Variants in TBC1D1 observed in about 807,000 individuals in gnomAD.
TBC1D1 encodes TBC1 domain family member 1.
A neutral mutation model predicts 125.6 loss-of-function variants in TBC1D1; 89 were observed. That is an observed-to-expected ratio of 0.71 (90% CI 0.60 to 0.85). The LOEUF is 0.85. Among genes scored for constraint, TBC1D1 ranks in the 40% least tolerant of loss-of-function variants. TBC1D1 has a pLI of 0.00. For synonymous variants in TBC1D1, 565 were observed against 564.1 expected (o/e 1.00, Z -0.02); for missense variants, 1,377 against 1,469.2 (o/e 0.94, Z 1.03).
At chr4:38,102,524 G>A (rs1760551623) in intron 14 of TBC1D1, among the ~76,000 whole-genome samples, 1 of 152,006 alleles carries the variant, frequency 6.6e-6, no homozygotes, top group Non-Finnish European at 1.5e-5. Context: ...TGGAAGTAGG[G>A]GAAGAAGCAA....
chr4:37,993,638 G>A (rs1310002746), intron 2 of TBC1D1, among the ~76,000 whole-genome samples: 5 of 152,144 alleles, frequency 3.3e-5, no homozygotes, highest in African/African-American at 4.8e-5. Flanking sequence ...CTGGAATGCA[G>A]TGGCGCAATC....
intron 8 of TBC1D1, among the ~76,000 whole-genome samples, chr4:38,039,414 GC>G (rs1176463504): frequency 2.6e-5 from 4 of 151,998 alleles, no homozygotes; most frequent in Non-Finnish European, 5.9e-5. Context: ...ACCGCGCCTG[GC>G]CGGCATCATA....
intron 16 of TBC1D1, 114 bp from the exon 19 acceptor site, chr4:38,117,919 G>A (rs371480449): frequency 1.2e-5 from 11 of 955,044 alleles, no homozygotes; most frequent in East Asian, 7.4e-5. Flanking sequence ...AAGCCAAATC[G>A]AATGTTTAAA....
At chr4:38,137,001 GATGA>G in intron 19 of TBC1D1, 130 bp from the exon 22 acceptor site, 1 of 1,447,222 alleles carries the variant, frequency 6.9e-7, no homozygotes, top group Middle Eastern at 2.5e-4. Context: ...GGCCAGAACT[GATGA>G]TAAACTGTAG....
At chr4:38,013,009 G>T (rs1371576722) in intron 2 of TBC1D1, among the ~76,000 whole-genome samples, 1 of 151,922 alleles carries the variant, frequency 6.6e-6, no homozygotes, top group African/African-American at 2.4e-5. Context: ...TGGCCAGGCT[G>T]GTCTCAACCT....
chr4:38,110,338 T>C (rs780329018), intron 15 of TBC1D1: 45 of 982,886 alleles, frequency 4.6e-5, no homozygotes, highest in Non-Finnish European at 5.1e-5. Context: ...GAGTTTCTGA[T>C]GCCTGGGATG....
intron 14 of TBC1D1, among the ~76,000 whole-genome samples, chr4:38,098,618 C>T (rs532074753): frequency 6.6e-6 from 1 of 152,286 alleles, no homozygotes; most frequent in African/African-American, 2.4e-5. Flanking sequence ...GAAGCTCTAA[C>T]CATAAAGGGG....
chr4:37,916,170 A>G (rs1719687276), intron 2 of TBC1D1, among the ~76,000 whole-genome samples: 2 of 152,170 alleles, frequency 1.3e-5, no homozygotes, highest in South Asian at 4.1e-4. Flanking sequence ...CCTGACTCCC[A>G]TCTCCTAGAG....
intron 2 of TBC1D1, among the ~76,000 whole-genome samples, chr4:37,973,678 A>T (rs1310076810): frequency 6.6e-6 from 1 of 152,134 alleles, no homozygotes; most frequent in African/African-American, 2.4e-5. Flanking sequence ...CATCAAAACT[A>T]TGTTGTTGCC....
intron 17 of TBC1D1, among the ~76,000 whole-genome samples, chr4:38,122,707 A>C (rs1764051188): frequency 6.6e-6 from 1 of 152,202 alleles, no homozygotes; most frequent in African/African-American, 2.4e-5. Flanking sequence ...TGTGTATTAG[A>C]TGCTCAATAG....
intron 12 of TBC1D1, among the ~76,000 whole-genome samples, chr4:38,070,042 G>T (rs1754437772): frequency 6.6e-6 from 1 of 152,118 alleles, no homozygotes. Flanking sequence ...TGGAGGGGGA[G>T]GGCATAGCCT....
intron 12 of TBC1D1, among the ~76,000 whole-genome samples, chr4:38,081,359 G>T (rs1229848239): frequency 6.6e-6 from 1 of 152,076 alleles, no homozygotes; most frequent in Non-Finnish European, 1.5e-5. Flanking sequence ...AGGAGAGTCA[G>T]CCAGACAAAG....
chr4:38,115,774 C>T lies in TBC1D1; in HGVS notation c.2622C>T (p.Tyr874=). The T allele has an allele frequency of 6.2e-7, 1 of 1,614,164 alleles. No homozygotes were observed. Among genetic ancestry groups the T allele is most frequent in the Non-Finnish European group, 8.5e-7 (1 of 1,180,024 alleles). The stretch of plus-strand genomic sequence containing the variant: ...TTGGAGCAGGACAGCTATCGCTTTA[C>T]AACATTTTGAAGGCCTACTCACTTC... Residue 874 remains tyrosine, a synonymous_variant, in exon 16 of 20, where the codon TAC becomes TAT. Transcript: ENST00000261439.
intron 2 of TBC1D1, among the ~76,000 whole-genome samples, chr4:37,988,633 A>G (rs921563381): frequency 6.6e-6 from 1 of 152,186 alleles, no homozygotes; most frequent in African/African-American, 2.4e-5. Context: ...CTTTTTAAGG[A>G]TGAAGAAACA....
intron 12 of TBC1D1, among the ~76,000 whole-genome samples, chr4:38,065,465 A>G (rs1278196820): frequency 6.6e-6 from 1 of 152,258 alleles, no homozygotes; most frequent in African/African-American, 2.4e-5. Context: ...AATAAACAGC[A>G]CATTGAAAAT....
chr4:38,023,805 T>G (rs1454734801), intron 6 of TBC1D1, among the ~76,000 whole-genome samples: 2 of 152,242 alleles, frequency 1.3e-5, no homozygotes, highest in Non-Finnish European at 2.9e-5. Context: ...TTGAAGTTCC[T>G]GCTTTCAATT....
chr4:38,115,919 C>G lies in TBC1D1; in HGVS notation c.2767C>G (p.Arg923Gly), dbSNP rs753906489. The change falls in exon 16 of 20, where the codon CGG (arginine) becomes GGG (glycine). Residue 923 changes from arginine (R) to glycine (G), a missense_variant. Coordinates refer to ENST00000261439, the MANE Select transcript of TBC1D1 (RefSeq NM_015173.4). ...GTTTCTGATGTTTGACATGGGGCTG[C>G]GGAAACAGTATCGGCCAGACATGAT... 1.5e-5 allele frequency: 25 copies of G among 1,614,132 alleles called. No homozygotes were observed. Among genetic ancestry groups the G allele is most frequent in the Non-Finnish European group, 2.1e-5 (25 of 1,180,008 alleles).
chr4:37,974,367 A>G lies in TBC1D1; in HGVS notation c.418-40142A>G, dbSNP rs544691661. ...CACCTCAGCCTCCTGAGTAGCTAAGACTACAGGTGTGTGCCACTATGTCCA... is the reference window on the plus strand; with the variant it reads ...CACCTCAGCCTCCTGAGTAGCTAAGGCTACAGGTGTGTGCCACTATGTCCA... On this transcript the variant is annotated intron_variant, in intron 2 of 19. Coordinates refer to ENST00000261439, the MANE Select transcript of TBC1D1 (RefSeq NM_015173.4). Among the ~76,000 whole-genome samples, 7 of 152,042 alleles carry G rather than the reference A, an allele frequency of 4.6e-5. No homozygotes were observed. In the South Asian group the frequency reaches 1.2e-3, roughly 27 times the overall value.
chr4:38,035,509 C>T, intron 7 of TBC1D1, 79 bp from the exon 8 acceptor site: 2 of 1,088,954 alleles, frequency 1.8e-6, no homozygotes, highest in Non-Finnish European at 1.4e-6. Flanking sequence ...TGGATGGAAG[C>T]TGTTAGCATT....
Sources: gnomAD v4.1 joint callset for allele counts (sites outside exome capture counted in the v4.1 genomes callset) on GRCh38, gnomAD v4.1.1 for gene constraint, MANE v1.5 for transcripts, NCBI Gene and HGNC (gene_info 2026-07-23, HGNC 2026-07-21) for gene names.